The following GSE1 variants were observed in gnomAD, a reference collection of about 807,000 sequenced individuals.
GSE1 encodes the protein genetic suppressor element 1.
In GSE1, 32 loss-of-function variants were observed where a neutral mutation model predicts 112.6. That is an observed-to-expected ratio of 0.28 (90% CI 0.21 to 0.38). GSE1 has a LOEUF of 0.38. GSE1 is among the 10% of genes least tolerant of loss of function. The pLI is 1.00. For synonymous variants in GSE1, 1,115 were observed against 735.6 expected (o/e 1.52, Z -8.35); for missense variants, 2,348 against 1,699.2 (o/e 1.38, Z -6.71).
At chr16:85,490,124 G>A (rs1427523765) in intron 2 of GSE1, 1 of 152,508 alleles carries the variant, frequency 6.6e-6, no homozygotes, top group Non-Finnish European at 1.5e-5. Context: ...ACAGGTGGGG[G>A]TGGTGGCAGA....
intron 1 of GSE1, among the ~76,000 whole-genome samples, chr16:85,271,614 C>T (rs970885032): frequency 2.0e-5 from 3 of 152,208 alleles, no homozygotes; most frequent in Non-Finnish European, 2.9e-5. Context: ...GCAGCGTGTA[C>T]TGAGAGTCAG....
chr16:85,279,048 C>G (rs937858258), intron 1 of GSE1: 1 of 152,282 alleles, frequency 6.6e-6, no homozygotes, highest in African/African-American at 2.4e-5. Flanking sequence ...TGGCGGTTAT[C>G]GTCCTTGATA....
chr16:85,552,720 T>G (rs544089259), upstream of GSE1, among the ~76,000 whole-genome samples: 2 of 152,286 alleles, frequency 1.3e-5, no homozygotes, highest in South Asian at 4.1e-4. Flanking sequence ...TTTCCCAATC[T>G]CCACAGGTGG....
Position 85,236,037 on chromosome 16 carries a change from G to C in GSE1, c.2283+64230G>C, listed in dbSNP as rs1034827640. ...GCCTGGGGCTGCGGCTGGGGCTGGG[G>C]CTGGGGCTGGGGCTGGTGCCGCCCC... is the stretch of plus-strand genomic sequence containing the variant. On this transcript the variant is annotated intron_variant, in intron 1 of 2. Coordinates refer to the GSE1 transcript ENST00000637419. 3.2e-3 allele frequency among the ~76,000 whole-genome samples: 490 copies of C among 151,992 alleles called. 2 individuals are homozygous for C. Among genetic ancestry groups the C allele is most frequent in the Non-Finnish European group, 5.5e-3 (375 of 67,964 alleles).
chr16:85,562,600 G>A (rs942558328), intron 1 of GSE1, among the ~76,000 whole-genome samples: 2 of 152,246 alleles, frequency 1.3e-5, no homozygotes, highest in African/African-American at 4.8e-5. Context: ...GCGGCAGGTG[G>A]CCCAAGCCAC....
At chr16:85,563,710 T>C (rs2151297045) in intron 1 of GSE1, among the ~76,000 whole-genome samples, 1 of 152,334 alleles carries the variant, frequency 6.6e-6, no homozygotes, top group East Asian at 1.9e-4. Flanking sequence ...CAGTGGGCAT[T>C]TGGCTGCTTG....
chr16:85,344,145 C>T (rs113746682), intron 1 of GSE1, among the ~76,000 whole-genome samples: 2,794 of 152,320 alleles, frequency 0.018, 37 homozygotes, highest in Non-Finnish European at 0.029. Context: ...ATCTCTGGCA[C>T]TGGGATGTGG....
chr16:85,402,469 C>T (rs1461511534), intron 2 of GSE1, among the ~76,000 whole-genome samples: 1 of 152,204 alleles, frequency 6.6e-6, no homozygotes, highest in Non-Finnish European at 1.5e-5. Context: ...CGGGGCCATG[C>T]TGAGTCCCAA....
chr16:85,290,634 C>T (rs958555873), intron 1 of GSE1, among the ~76,000 whole-genome samples: 1 of 152,168 alleles, frequency 6.6e-6, no homozygotes, highest in Non-Finnish European at 1.5e-5. Flanking sequence ...CAAGGGAGCA[C>T]CTTTTTCCAA....
intron 1 of GSE1, among the ~76,000 whole-genome samples, chr16:85,280,675 C>T (rs950488198): frequency 1.3e-5 from 2 of 152,166 alleles, no homozygotes. Context: ...GGATTACAGG[C>T]GTGAGCCACA....
rs921789164 is a variant in GSE1 at position 85,640,147 on chromosome 16, A to G, written c.226+6015A>G. Among the ~76,000 whole-genome samples, 43 of 152,164 alleles carry G rather than the reference A, an allele frequency of 2.8e-4. 1 individual carries two copies. The highest frequency in any genetic ancestry group is 3.4e-4 in the Non-Finnish European group (23 of 68,002). On this transcript the variant is annotated intron_variant, in intron 2 of 15. Transcript: ENST00000253458. ...CTCACCCCAGCACCACCCATGGTGC[A>G]GGGAGCTGGGGTTGGGCGCACAAGA...
intron 2 of GSE1, among the ~76,000 whole-genome samples, chr16:85,496,806 C>T (rs1597957507): frequency 2.0e-5 from 3 of 152,132 alleles, no homozygotes; most frequent in Admixed American, 2.0e-4. Flanking sequence ...CTGTAAAGTG[C>T]CCCTCACCTG....
chr16:85,246,364 CA>C (rs1905751517), intron 1 of GSE1, among the ~76,000 whole-genome samples: 2 of 135,104 alleles, frequency 1.5e-5, no homozygotes, highest in Non-Finnish European at 3.2e-5. Flanking sequence ...CACACACACA[CA>C]CACCACACGC....
chr16:85,455,223 C>T (rs2049793228), intron 2 of GSE1, among the ~76,000 whole-genome samples: 1 of 152,208 alleles, frequency 6.6e-6, no homozygotes, highest in Admixed American at 6.5e-5. Flanking sequence ...GAAACAGAGA[C>T]TCTGAAGCTC....
intron 1 of GSE1, among the ~76,000 whole-genome samples, chr16:85,346,944 T>TG (rs1447593394): frequency 6.6e-6 from 1 of 151,636 alleles, no homozygotes; most frequent in Non-Finnish European, 1.5e-5. Flanking sequence ...GGTGGACAGG[T>TG]GGGTGGATGG....
intron 1 of GSE1, among the ~76,000 whole-genome samples, chr16:85,298,858 G>A (rs1286342039): frequency 6.6e-6 from 1 of 152,250 alleles, no homozygotes; most frequent in African/African-American, 2.4e-5. Flanking sequence ...TTCGGGAGTG[G>A]GTGTGGGGGA....
At chr16:85,255,155 G>A (rs1285929474) in intron 1 of GSE1, among the ~76,000 whole-genome samples, 1 of 152,204 alleles carries the variant, frequency 6.6e-6, no homozygotes, top group Non-Finnish European at 1.5e-5. Context: ...GCAGGATGGA[G>A]CGAGTGGCAG....
At chr16:85,301,763 C>G (rs1270262862) in intron 1 of GSE1, among the ~76,000 whole-genome samples, 1 of 152,234 alleles carries the variant, frequency 6.6e-6, no homozygotes, top group Non-Finnish European at 1.5e-5. Flanking sequence ...GGCAGCAGTC[C>G]CCAAGAGGGA....
At chr16:85,601,269 C>T (rs915457100) in intron 1 of GSE1, among the ~76,000 whole-genome samples, 1 of 150,156 alleles carries the variant, frequency 6.7e-6, no homozygotes, top group Admixed American at 6.6e-5. Flanking sequence ...GGAGAGGTGC[C>T]GTGTGAGGGG....
Sources: gnomAD v4.1 joint callset for allele counts (sites outside exome capture counted in the v4.1 genomes callset) on GRCh38, gnomAD v4.1.1 for gene constraint, MANE v1.5 for transcripts, NCBI Gene and HGNC (gene_info 2026-07-23, HGNC 2026-07-21) for gene names.